Variants in TRAM2 observed in about 807,000 individuals in gnomAD.
TRAM2 encodes translocating chain-associated membrane protein 2.
TRAM2 carries 12 observed loss-of-function variants against 51.0 expected under a neutral mutation model. That is an observed-to-expected ratio of 0.24 (90% CI 0.15 to 0.38). TRAM2 has a LOEUF of 0.38. Ranked by LOEUF, TRAM2 falls within the 10% of genes least tolerant of loss-of-function variation. TRAM2 has a pLI of 1.00. For missense variants in TRAM2, 361 were observed against 462.0 expected (o/e 0.78, Z 2.00); for synonymous variants, 175 against 179.4 (o/e 0.98, Z 0.20).
chr6:52,566,306 G>T (rs1422984926), intron 1 of TRAM2, among the ~76,000 whole-genome samples: 2 of 152,050 alleles, frequency 1.3e-5, no homozygotes, highest in African/African-American at 4.8e-5. Flanking sequence ...AAACATATGA[G>T]AAAGAGAGCT....
chr6:52,506,247 A>G, intron 7 of TRAM2, 111 bp from the exon 8 acceptor site: 1 of 919,612 alleles, frequency 1.1e-6, no homozygotes, highest in South Asian at 1.4e-5. Context: ...TCTGCTTTCC[A>G]CTCCCACTTT....
At chr6:52,511,750 C>T (rs1766455433) in intron 4 of TRAM2, among the ~76,000 whole-genome samples, 1 of 152,086 alleles carries the variant, frequency 6.6e-6, no homozygotes, top group Non-Finnish European at 1.5e-5. Flanking sequence ...AAACTTGGGC[C>T]TCCATGAGCA....
At position 52,576,941 on chromosome 6, in the gene TRAM2, G is replaced by A. The variant is rs905872459; in HGVS notation, c.-26C>T. On this transcript the variant is annotated 5_prime_UTR_variant, in exon 1 of 11. Transcript: ENST00000182527. ...GGCAGCGGGCGCGCAGCGGCCGGCG[G>A]GGCCCGCACCCTGCGCTCACGAACC... 4.4e-6 allele frequency: 7 copies of A among 1,594,160 alleles called. No homozygotes were observed. The East Asian group carries it at 9.1e-5, about 21-fold the overall frequency.
chr6:52,517,558 G>A (rs1293037726), intron 2 of TRAM2, among the ~76,000 whole-genome samples: 2 of 152,212 alleles, frequency 1.3e-5, no homozygotes, highest in Non-Finnish European at 2.9e-5. Context: ...GTGAAACTCC[G>A]CCATTGCAGC....
intron 2 of TRAM2, among the ~76,000 whole-genome samples, chr6:52,526,148 GACAGACACACACACAC>G (rs1439595912): frequency 0.064 from 9,345 of 146,406 alleles, 364 homozygotes; most frequent in African/African-American, 0.093. Context: ...AATACACACA[GACAGACACACACACAC>G]ACACACACAC....
chr6:52,554,536 A>AAG (rs1562487113), intron 1 of TRAM2, among the ~76,000 whole-genome samples: 1 of 150,528 alleles, frequency 6.6e-6, no homozygotes, highest in African/African-American at 2.4e-5. Context: ...AAAAAAAAAA[A>AAG]AAGAAAGAAA....
rs761185320 is a variant in TRAM2 at position 52,515,992 on chromosome 6, T to C, written c.411+14A>G. ...TTGAGCTCTCCCGCTTCAGCAGTCC[T>C]GAGAATGGCTCACCGTCACCACCAC... On this transcript the variant is annotated intron_variant, in intron 4 of 10. Coordinates refer to ENST00000182527, the MANE Select transcript of TRAM2 (RefSeq NM_012288.4). 6.2e-6 allele frequency: 10 copies of C among 1,612,996 alleles called. No homozygotes were observed. Among genetic ancestry groups the C allele is most frequent in the Non-Finnish European group, 7.6e-6 (9 of 1,178,990 alleles).
chr6:52,533,893 A>G (rs1766933981), intron 2 of TRAM2, among the ~76,000 whole-genome samples: 2 of 152,076 alleles, frequency 1.3e-5, no homozygotes, highest in Non-Finnish European at 2.9e-5. Flanking sequence ...GGAGTACAAG[A>G]CCAGCCTGAC....
intron 1 of TRAM2, among the ~76,000 whole-genome samples, chr6:52,563,694 C>CAAAAA (rs556665738): frequency 1.3e-5 from 1 of 77,258 alleles, no homozygotes; most frequent in Non-Finnish European, 2.4e-5. Flanking sequence ...GACTCAGCCT[C>CAAAAA]AAAAAAAAAA....
In TRAM2 at chr6:52,497,726, T is replaced by TATA. The variant is rs1442693425; in HGVS notation, c.*5470_*5471insTAT. 2.0e-5 allele frequency: 3 copies of TATA among 152,626 alleles called. No homozygotes were observed. Among genetic ancestry groups the TATA allele is most frequent in the Non-Finnish European group, 4.4e-5 (3 of 68,040 alleles). The allele number at this position is 152,626 out of a possible 1,614,324, so 9.5% of individuals were successfully genotyped here. A position where few individuals can be genotyped will look rare whatever the true frequency, so the allele number is the denominator to read the frequency against. ...CAGTTGCTCAGGGCACCAGCAGCCT[T>TATA]AGTTCATCCTTCAGATGTTTTTTTA... On this transcript the variant is annotated 3_prime_UTR_variant, in exon 11 of 11. Transcript: ENST00000182527.
intron 2 of TRAM2, among the ~76,000 whole-genome samples, chr6:52,534,611 C>T (rs1375738252): frequency 6.6e-6 from 1 of 152,100 alleles, no homozygotes; most frequent in Non-Finnish European, 1.5e-5. Flanking sequence ...AATGTTGACC[C>T]GCATGGTGTT....
chr6:52,528,296 G>A (rs139580075), intron 2 of TRAM2, among the ~76,000 whole-genome samples: 216 of 152,178 alleles, frequency 1.4e-3, no homozygotes, highest in African/African-American at 5.0e-3. Flanking sequence ...TCCTCCAGGT[G>A]TATGGGCCAC....
At chr6:52,516,253 C>G (rs190990361) in intron 3 of TRAM2, 131 bp from the exon 4 acceptor site, 1 of 846,096 alleles carries the variant, frequency 1.2e-6, no homozygotes, top group East Asian at 2.4e-5. Flanking sequence ...TAATCCAAGT[C>G]ATTTGGTGTA....
chr6:52,560,372 T>G (rs1445799917), intron 1 of TRAM2, among the ~76,000 whole-genome samples: 1 of 152,224 alleles, frequency 6.6e-6, no homozygotes, highest in Admixed American at 6.5e-5. Context: ...AGGTGTTGCC[T>G]GTGCATATAT....
chr6:52,570,567 G>A (rs1340693436), intron 1 of TRAM2, among the ~76,000 whole-genome samples: 3 of 152,140 alleles, frequency 2.0e-5, no homozygotes, highest in Admixed American at 6.5e-5. Flanking sequence ...CTAGAAGCCA[G>A]GCTCTGGATG....
chr6:52,529,462 G>C (rs1445655446), intron 2 of TRAM2: 1 of 152,112 alleles, frequency 6.6e-6, no homozygotes, highest in African/African-American at 2.4e-5. Flanking sequence ...CGGGGCACAG[G>C]AATCTCCGGA....
chr6:52,534,138 T>TTGGGAGGC (rs1461728925), intron 2 of TRAM2, among the ~76,000 whole-genome samples: 3 of 149,872 alleles, frequency 2.0e-5, no homozygotes. Context: ...TCCCAGCACT[T>TTGGGAGGC]TGGGAGGCCA....
chr6:52,529,376 G>A (rs1056782187), intron 2 of TRAM2, among the ~76,000 whole-genome samples: 1 of 142,814 alleles, frequency 7.0e-6, no homozygotes, highest in South Asian at 2.4e-4. Context: ...CTACCTTTGA[G>A]GTTAGAAGTG....
rs1200796380 is a variant in TRAM2 at position 52,500,621 on chromosome 6, G to C, written c.*2576C>G. The stretch of plus-strand genomic sequence containing the variant: ...CTGACCCCGGCCACTGGGCTGGTGG[G>C]ACCACATCCAAGGCATGAAGTACTG... On this transcript the variant is annotated 3_prime_UTR_variant, in exon 11 of 11. Transcript: ENST00000182527. 1.3e-5 allele frequency: 2 copies of C among 152,272 alleles called. No individual in the cohort carries two copies. Among genetic ancestry groups the C allele is most frequent in the Non-Finnish European group, 2.9e-5 (2 of 68,050 alleles). The allele number at this position is 152,272 out of a possible 1,614,324, so 9.4% of individuals were successfully genotyped here.
Sources: allele counts gnomAD v4.1 joint callset (sites outside exome capture counted in the v4.1 genomes callset), GRCh38; gene constraint gnomAD v4.1.1; transcripts MANE v1.5; gene names NCBI Gene and HGNC (gene_info 2026-07-23, HGNC 2026-07-21).